PABPC1: variants seen among roughly 807,000 people sequenced by gnomAD.
PABPC1 encodes poly(A) binding protein cytoplasmic 1.
PABPC1 carries 4 observed loss-of-function variants against 74.0 expected under a neutral mutation model. That is an observed-to-expected ratio of 0.05 (90% CI 0.03 to 0.12). The LOEUF (loss-of-function observed/expected upper bound fraction) is 0.12, where lower values mean the gene tolerates loss of function less well. PABPC1 is among the 10% of genes least tolerant of loss of function. The pLI, the probability that PABPC1 is intolerant of heterozygous loss-of-function variation, is 1.00. For missense variants in PABPC1, 271 were observed against 821.1 expected (o/e 0.33, Z 8.19); for synonymous variants, 227 against 264.1 (o/e 0.86, Z 1.36).
chr8:100,707,121 T>C, intron 9 of PABPC1, 124 bp from the exon 10 acceptor site: 1 of 655,274 alleles, frequency 1.5e-6, no homozygotes, highest in Non-Finnish European at 2.6e-6. Flanking sequence ...TTTTTAAAGC[T>C]GAGTCTTAAC....
chr8:100,719,932 A>G (rs1256549482), intron 1 of PABPC1, among the ~76,000 whole-genome samples: 38 of 152,212 alleles, frequency 2.5e-4, no homozygotes, highest in Admixed American at 2.4e-3. Context: ...ACAGAGCAAA[A>G]GGGCAGGAAA....
intron 4 of PABPC1, among the ~76,000 whole-genome samples, chr8:100,715,109 T>C (rs1032397193): frequency 6.8e-6 from 1 of 147,038 alleles, no homozygotes; most frequent in Admixed American, 6.7e-5. Flanking sequence ...TCTGATGACA[T>C]GGGATCTCTA....
chr8:100,719,345 T>C (rs941517500), intron 1 of PABPC1, among the ~76,000 whole-genome samples: 1 of 152,082 alleles, frequency 6.6e-6, no homozygotes, highest in Non-Finnish European at 1.5e-5. Flanking sequence ...GATAATCAGC[T>C]GTTAGCTCAT....
chr8:100,713,476 A>ACCCAATAATTTGATTTTTTC (rs1810582830), intron 4 of PABPC1, among the ~76,000 whole-genome samples: 1 of 152,160 alleles, frequency 6.6e-6, no homozygotes, highest in South Asian at 2.1e-4. Context: ...TGCATTTTTT[A>ACCCAATAATTTGATTTTTTC]CCCAATAATT....
rs574816331 is a variant in PABPC1, at chr8:100,716,604, T to C, written c.504-1003A>G. ...ATCTCTCCACAAAATATGGTTGGTC[T>C]TCGCTATGCTATTAGTTTCATAAAT... On this transcript the variant is annotated intron_variant, in intron 3 of 14. Coordinates refer to ENST00000318607, the MANE Select transcript of PABPC1 (RefSeq NM_002568.4). 3.9e-5 allele frequency among the ~76,000 whole-genome samples: 6 copies of C among 152,378 alleles called. No homozygotes were observed. In the South Asian group the frequency reaches 1.2e-3, roughly 32 times the overall value.
intron 7 of PABPC1, among the ~76,000 whole-genome samples, chr8:100,711,710 A>T (rs971857076): frequency 6.6e-6 from 1 of 152,238 alleles, no homozygotes; most frequent in South Asian, 2.1e-4. Flanking sequence ...CTCTCACAGA[A>T]GCTTCCTCGG....
rs557936751 is a variant in PABPC1 at position 100,705,090 on chromosome 8, TAAAAA to T, written c.1688-39_1688-35del. On this transcript the variant is annotated intron_variant, in intron 12 of 14. Transcript: ENST00000318607. The stretch of plus-strand genomic sequence containing the variant: ...AGAAACATTCAAAAACTCCCTTCAA[TAAAAA>T]AAAGTTTTTAACTGCATTGAATTAC... 3.1e-6 allele frequency: 5 copies of T among 1,589,280 alleles called. No individual in the cohort carries two copies. In the South Asian group the frequency reaches 5.8e-5, roughly 18 times the overall value.
intron 9 of PABPC1, among the ~76,000 whole-genome samples, chr8:100,708,842 C>A (rs1172040688): frequency 6.6e-6 from 1 of 151,954 alleles, no homozygotes; most frequent in African/African-American, 2.4e-5. Context: ...TGAGCCACTG[C>A]ACTCGAGCCT....
At chr8:100,715,030 T>C (rs759599316) in intron 4 of PABPC1, among the ~76,000 whole-genome samples, 4 of 151,824 alleles carry the variant, frequency 2.6e-5, no homozygotes, top group Non-Finnish European at 5.9e-5. Flanking sequence ...TGATGTTACT[T>C]AGACTGACCA....
chr8:100,707,378 T>C (rs949108059), intron 9 of PABPC1, among the ~76,000 whole-genome samples: 8 of 151,710 alleles, frequency 5.3e-5, no homozygotes, highest in African/African-American at 1.9e-4. Context: ...GCTGCACTGT[T>C]ATTTATTGGA....
In PABPC1 at chr8:100,712,710, T is replaced by C; in HGVS notation, c.818A>G (p.Gln273Arg). 1 of 1,552,272 alleles carries C rather than the reference T, an allele frequency of 6.4e-7. No individual in the cohort carries two copies. The highest frequency in any genetic ancestry group is 2.3e-5 in the East Asian group (1 of 43,580). ...TTCAAATTTGCGCTTAAGTTCCGTC[T>C]GCCGTTCCACCTTTTTCTGAGCTCG... is the stretch of plus-strand genomic sequence containing the variant. ...VGRAQKKVER[Q>R]TELKRKFEQM... is the part of the protein sequence containing the mutation. Residue 273 changes from glutamine to arginine, a missense_variant, in exon 6 of 15, where the codon CAG becomes CGG. Physicochemically the swap from Gln to Arg is conservative, Grantham distance 43 (BLOSUM62 1). Around this residue, in one of 7 missense-constraint regions of PABPC1, gnomAD observed 78 missense variants for 202.8 expected, o/e 0.38. Transcript: ENST00000318607.
intron 12 of PABPC1, 58 bp from the exon 13 acceptor site, chr8:100,705,114 G>T (rs912869256): frequency 7.0e-7 from 1 of 1,424,400 alleles, no homozygotes; most frequent in South Asian, 1.2e-5. Flanking sequence ...TAACTGCATT[G>T]AATTACCACA....
chr8:100,712,283 A>C, intron 7 of PABPC1, 79 bp downstream of exon 7: 5 of 809,616 alleles, frequency 6.2e-6, no homozygotes, highest in Non-Finnish European at 8.0e-6. Context: ...TGGCTATAAT[A>C]ATACAAAATT....
intron 14 of PABPC1, 91 bp from the exon 15 acceptor site, chr8:100,703,450 TA>T (rs1328737004): frequency 6.6e-6 from 1 of 152,428 alleles, no homozygotes; most frequent in Non-Finnish European, 1.5e-5. Context: ...TGGTTGTTTT[TA>T]TCCATAGTTT....
At chr8:100,713,020 A>G in intron 5 of PABPC1, 67 bp downstream of exon 5, 4 of 1,163,760 alleles carry the variant, frequency 3.4e-6, no homozygotes, top group Non-Finnish European at 5.0e-6. Context: ...TAGTATGCAC[A>G]TAGACTTCAA....
At position 100,718,207 on chromosome 8, in the gene PABPC1, A is replaced by T; in HGVS notation, c.267T>A (p.Arg89=). 1 of 1,614,248 alleles carries T rather than the reference A, an allele frequency of 6.2e-7. No individual in the cohort carries two copies. The highest frequency in any genetic ancestry group is 8.5e-7 in the Non-Finnish European group (1 of 1,180,036). ...CTCCACTTTTGCGAAGTGATGGATC[A>T]CGCTGAGACCACATGATGCGTACTG... ...GKPVRIMWSQ[R]DPSLRKSGVG... Residue 89 remains arginine, a synonymous_variant, in exon 2 of 15, where the codon CGT becomes CGA. Coordinates refer to ENST00000318607, the MANE Select transcript of PABPC1 (RefSeq NM_002568.4).
chr8:100,704,761 C>T (rs1476599029), intron 13 of PABPC1, among the ~76,000 whole-genome samples, 165 bp downstream of exon 13: 1 of 152,186 alleles, frequency 6.6e-6, no homozygotes, highest in Admixed American at 6.5e-5. Flanking sequence ...TTCAGTTTAC[C>T]TATCTATAAA....
intron 11 of PABPC1, 133 bp from the exon 12 acceptor site, chr8:100,705,806 T>C: frequency 1.5e-6 from 1 of 664,574 alleles, no homozygotes; most frequent in Non-Finnish European, 2.7e-6. Context: ...GTGAGCGAAT[T>C]AGAAAGAAGC....
chr8:100,703,799 C>T (rs1395873952), intron 14 of PABPC1, among the ~76,000 whole-genome samples: 2 of 152,158 alleles, frequency 1.3e-5, no homozygotes, highest in African/African-American at 4.8e-5. Flanking sequence ...CCTGTAATTT[C>T]AAGACTTTGG....
Sources: gnomAD v4.1 joint callset for allele counts (sites outside exome capture counted in the v4.1 genomes callset) on GRCh38, gnomAD v4.1.1 for gene constraint, gnomAD v4.1.1 regional missense constraint, MANE v1.5 for transcripts, NCBI Gene and HGNC (gene_info 2026-07-23, HGNC 2026-07-21) for gene names.